The following CTNND2 variants were observed in gnomAD, a reference collection of about 807,000 sequenced individuals.
The protein encoded by CTNND2 is catenin delta-2.
In CTNND2, 22 loss-of-function variants were observed where a neutral mutation model predicts 144.4. The observed-to-expected ratio is 0.15, with a 90% CI of 0.11 to 0.22. The LOEUF (loss-of-function observed/expected upper bound fraction) is 0.22. Ranked by LOEUF, CTNND2 falls within the 10% of genes least tolerant of loss-of-function variation. CTNND2 has a pLI of 1.00. For synonymous variants in CTNND2, 751 were observed against 695.6 expected (o/e 1.08, Z -1.25); for missense variants, 1,353 against 1,618.8 (o/e 0.84, Z 2.82).
chr5:11,216,122 T>C (rs1739146938), intron 10 of CTNND2, among the ~76,000 whole-genome samples: 1 of 152,152 alleles, frequency 6.6e-6, no homozygotes, highest in African/African-American at 2.4e-5. Context: ...CAGGATGTAA[T>C]GTGGCATCCT....
intron 1 of CTNND2, among the ~76,000 whole-genome samples, chr5:11,800,099 C>T (rs1791598964): frequency 6.6e-6 from 1 of 152,090 alleles, no homozygotes; most frequent in Admixed American, 6.6e-5. Flanking sequence ...CTGTCAACTT[C>T]ATGTGTTAAT....
intron 12 of CTNND2, among the ~76,000 whole-genome samples, chr5:11,145,503 C>G (rs898124564): frequency 6.6e-6 from 1 of 152,216 alleles, no homozygotes; most frequent in African/African-American, 2.4e-5. Context: ...TTACACCTGT[C>G]CATATCACAC....
At chr5:11,177,903 T>C (rs961867527) in intron 11 of CTNND2, among the ~76,000 whole-genome samples, 3 of 152,160 alleles carry the variant, frequency 2.0e-5, no homozygotes, top group African/African-American at 7.2e-5. Flanking sequence ...CAAGAAAACA[T>C]GCATCAATTA....
rs187014223 is a variant in CTNND2, at chr5:11,434,093, G to A, written c.288-22024C>T. Among the ~76,000 whole-genome samples the A allele has an allele frequency of 7.2e-5, 11 of 152,266 alleles. No individual in the cohort carries two copies. The East Asian group carries it at 9.7e-4, about 13-fold the overall frequency. On this transcript the variant is annotated intron_variant, in intron 3 of 21. Transcript: ENST00000304623. ...CCCAGAAACTAATCAATAAGAGAAT[G>A]AATCAACAATCTGTAGTATATTTAT...
At chr5:11,012,034 C>G (rs1741144784) in intron 18 of CTNND2, among the ~76,000 whole-genome samples, 1 of 152,208 alleles carries the variant, frequency 6.6e-6, no homozygotes. Context: ...AAACCTTCAG[C>G]TGCCTGTGGA....
rs111810611 is a variant in CTNND2 at position 11,458,936 on chromosome 5, C to CT, written c.288-46868dup. Among the ~76,000 whole-genome samples the CT allele has an allele frequency of 7.0e-3, 992 of 141,794 alleles. 17 individuals carry two copies. The East Asian group carries it at 0.07, about 10-fold the overall frequency. The allele number at this position is 141,794 out of a possible 152,430, so 93.0% of individuals were successfully genotyped here. ...CACCACCACCACGACTGTTTCTTTTCTTTTTTTTTTTTTGGTAGAGATGGC... is the reference window on the plus strand; with the variant it reads ...CACCACCACCACGACTGTTTCTTTTCTTTTTTTTTTTTTTGGTAGAGATGGC... On this transcript the variant is annotated intron_variant, in intron 3 of 21. Transcript: ENST00000304623.
chr5:11,586,596 A>G (rs1038329815), intron 2 of CTNND2, among the ~76,000 whole-genome samples: 4 of 152,208 alleles, frequency 2.6e-5, no homozygotes, highest in African/African-American at 7.2e-5. Context: ...GGATTTTCCA[A>G]CTTGGCCATT....
At chr5:11,071,770 G>C (rs1748341452) in intron 16 of CTNND2, among the ~76,000 whole-genome samples, 1 of 152,028 alleles carries the variant, frequency 6.6e-6, no homozygotes. Context: ...GTCATGCTAT[G>C]GGCTGAAACT....
chr5:11,674,132 T>C (rs1482696934), intron 2 of CTNND2, among the ~76,000 whole-genome samples: 1 of 152,228 alleles, frequency 6.6e-6, no homozygotes, highest in Non-Finnish European at 1.5e-5. Flanking sequence ...TGTTGATTCT[T>C]TGAATATCTT....
intron 1 of CTNND2, among the ~76,000 whole-genome samples, chr5:11,798,502 C>T (rs1231170251): frequency 6.6e-6 from 1 of 152,180 alleles, no homozygotes; most frequent in Admixed American, 6.5e-5. Context: ...GGTGCAGTGG[C>T]TCACGCCTGT....
At chr5:11,315,949 T>G (rs1428783057) in intron 9 of CTNND2, among the ~76,000 whole-genome samples, 1 of 152,156 alleles carries the variant, frequency 6.6e-6, no homozygotes, top group African/African-American at 2.4e-5. Context: ...AAAGGACAAC[T>G]TTTGGCCATT....
intron 3 of CTNND2, among the ~76,000 whole-genome samples, chr5:11,449,022 T>A (rs945661802): frequency 2.6e-5 from 4 of 151,882 alleles, no homozygotes; most frequent in African/African-American, 9.7e-5. Flanking sequence ...TTTTTTTTTT[T>A]AATCCTGGAG....
chr5:11,452,729 G>A (rs1160702151), intron 3 of CTNND2, among the ~76,000 whole-genome samples: 2 of 152,020 alleles, frequency 1.3e-5, no homozygotes, highest in African/African-American at 4.8e-5. Context: ...AATATCGGCT[G>A]GTTTCAGAAA....
chr5:11,662,216 CATAT>C (rs1218316228), intron 2 of CTNND2, among the ~76,000 whole-genome samples: 1 of 89,422 alleles, frequency 1.1e-5, no homozygotes, highest in Non-Finnish European at 1.9e-5. Flanking sequence ...TATATATATA[CATAT>C]ATGTGTATAT....
At chr5:11,313,602 A>T (rs1205213384) in intron 9 of CTNND2, among the ~76,000 whole-genome samples, 1 of 151,894 alleles carries the variant, frequency 6.6e-6, no homozygotes, top group African/African-American at 2.4e-5. Flanking sequence ...TAGAGCAGCC[A>T]TGTATTAGTA....
chr5:11,625,618 T>G (rs1781116260), intron 2 of CTNND2, among the ~76,000 whole-genome samples: 1 of 152,120 alleles, frequency 6.6e-6, no homozygotes, highest in Non-Finnish European at 1.5e-5. Context: ...GTATTGCAAT[T>G]CATCAAAATT....
chr5:11,456,960 A>C (rs1765785022), intron 3 of CTNND2, among the ~76,000 whole-genome samples: 2 of 152,226 alleles, frequency 1.3e-5, no homozygotes, highest in Admixed American at 6.5e-5. Flanking sequence ...TAAATTGTCT[A>C]AACTTGTTCA....
At chr5:11,509,382 C>A (rs567548074) in intron 3 of CTNND2, among the ~76,000 whole-genome samples, 27 of 152,002 alleles carry the variant, frequency 1.8e-4, no homozygotes, top group Non-Finnish European at 1.9e-4. Flanking sequence ...AAAAGCCATC[C>A]CATAGGATGT....
intron 3 of CTNND2, among the ~76,000 whole-genome samples, chr5:11,555,661 G>T (rs539238203): frequency 6.6e-6 from 1 of 151,428 alleles, no homozygotes; most frequent in Admixed American, 6.6e-5. Context: ...AATCTTAGAG[G>T]AACAATCTCA....
Sources: allele counts gnomAD v4.1 joint callset (sites outside exome capture counted in the v4.1 genomes callset), GRCh38; gene constraint gnomAD v4.1.1; transcripts MANE v1.5; gene names NCBI Gene and HGNC (gene_info 2026-07-23, HGNC 2026-07-21).